Variants in TRAPPC12 observed in about 807,000 individuals in gnomAD.
The protein encoded by TRAPPC12 is TPR repeat protein 15.
A neutral mutation model predicts 69.2 loss-of-function variants in TRAPPC12; 61 were observed. That is an observed-to-expected ratio of 0.88 (90% CI 0.72 to 1.09). The LOEUF is 1.09. Among genes scored for constraint, TRAPPC12 ranks in the 50% least tolerant of loss-of-function variants. TRAPPC12 has a pLI of 0.00. For synonymous variants in TRAPPC12, 469 were observed against 438.9 expected, an observed-to-expected ratio of 1.07 and a Z score of -0.86; for missense variants, 1,101 against 1,016.4, an observed-to-expected ratio of 1.08 and a Z score of -1.13.
chr2:3,383,702 G>A (rs975823835), intron 1 of TRAPPC12, among the ~76,000 whole-genome samples: 3 of 151,890 alleles, frequency 2.0e-5, no homozygotes, highest in Non-Finnish European at 4.4e-5. Context: ...ACCGCACCCG[G>A]CCTTCACAGT....
At chr2:3,466,276 C>T (rs1231787245) in intron 9 of TRAPPC12, 1 of 471,232 alleles carries the variant, frequency 2.1e-6, no homozygotes, top group South Asian at 1.5e-5. Flanking sequence ...GCAGCTTCTG[C>T]CCCTCTCACC....
intron 2 of TRAPPC12, 26 bp downstream of exon 2, chr2:3,388,696 A>AGCCCGTGCCTCCTCTCT: frequency 6.6e-7 from 1 of 1,506,914 alleles, no homozygotes; most frequent in Non-Finnish European, 8.9e-7. Context: ...CCACCTCCGC[A>AGCCCGTGCCTCCTCTCT]GCCCGTGCCT....
chr2:3,458,188 G>A, intron 7 of TRAPPC12: 1 of 999,550 alleles, frequency 1.0e-6, no homozygotes. Context: ...AACCCCTTGG[G>A]GGACTGGGTG....
intron 5 of TRAPPC12, among the ~76,000 whole-genome samples, chr2:3,426,408 G>T (rs1257950509): frequency 6.6e-6 from 1 of 152,232 alleles, no homozygotes; most frequent in African/African-American, 2.4e-5. Flanking sequence ...TCCTTAATGT[G>T]TGACACTTCC....
intron 3 of TRAPPC12, among the ~76,000 whole-genome samples, chr2:3,407,941 G>A (rs1661819927): frequency 6.6e-6 from 1 of 152,150 alleles, no homozygotes; most frequent in African/African-American, 2.4e-5. Flanking sequence ...GCGATCATAA[G>A]AACTGGCTCT....
intron 11 of TRAPPC12, 99 bp from the exon 12 acceptor site, chr2:3,479,120 C>T (rs1020164914): frequency 1.3e-6 from 2 of 1,552,880 alleles, no homozygotes; most frequent in Non-Finnish European, 1.7e-6. Flanking sequence ...CAGCTCTGCA[C>T]CACCCCCAGG....
chr2:3,389,675 G>C (rs769547600), intron 2 of TRAPPC12: 52 of 471,174 alleles, frequency 1.1e-4, no homozygotes, highest in Middle Eastern at 9.8e-4. Context: ...GGGGGTGGGG[G>C]ATGGAGGGTT....
intron 3 of TRAPPC12, among the ~76,000 whole-genome samples, chr2:3,420,346 C>T (rs1011390964): frequency 1.0e-4 from 15 of 149,510 alleles, no homozygotes; most frequent in African/African-American, 3.7e-4. Flanking sequence ...TTTCCTTACA[C>T]ATAGAGTTTC....
At chr2:3,462,759 C>T in intron 8 of TRAPPC12, 1 of 373,392 alleles carries the variant, frequency 2.7e-6, no homozygotes, top group Non-Finnish European at 5.5e-6. Flanking sequence ...CCTGCACTGG[C>T]AGACCATATG....
rs189322496 is a variant in TRAPPC12, at chr2:3,380,992, C to G, written c.-5+1116C>G. ...CAGAGCTCTTTCTGCCCACCCCTGC[C>G]TGGCAACCTTGCAAGAGGAGCTGAG... On this transcript the variant is annotated intron_variant, in intron 1 of 11. Transcript: ENST00000324266. Among the ~76,000 whole-genome samples, 243 of 152,290 alleles carry G rather than the reference C, an allele frequency of 1.6e-3. 2 individuals carry two copies. The highest frequency in any genetic ancestry group is 5.4e-3 in the African/African-American group (224 of 41,558).
At chr2:3,395,867 T>G (rs1423490789) in intron 2 of TRAPPC12, among the ~76,000 whole-genome samples, 2 of 152,126 alleles carry the variant, frequency 1.3e-5, no homozygotes, top group African/African-American at 4.8e-5. Context: ...GTAGCTGGGA[T>G]TATAGGCATG....
Position 3,443,760 on chromosome 2 carries a change from A to G in TRAPPC12, c.1418-19A>G, listed in dbSNP as rs1321245543. On this transcript the variant is annotated intron_variant, in intron 5 of 11. Transcript: ENST00000324266. ...TCAGTTATGGCAAACAAACTCACTC[A>G]GCACTGATTGGATTCCAGGCTCCAT... The G allele has an allele frequency of 6.2e-7, 1 of 1,608,582 alleles. No homozygotes were observed. The highest frequency in any genetic ancestry group is 8.5e-7 in the Non-Finnish European group (1 of 1,175,224).
At chr2:3,399,432 A>C (rs1470523845) in intron 2 of TRAPPC12, among the ~76,000 whole-genome samples, 1 of 152,116 alleles carries the variant, frequency 6.6e-6, no homozygotes, top group Non-Finnish European at 1.5e-5. Flanking sequence ...CAGTTAGCTG[A>C]TTTTGTGGAT....
At chr2:3,452,471 C>T (rs1383040326) in intron 6 of TRAPPC12, among the ~76,000 whole-genome samples, 1 of 152,144 alleles carries the variant, frequency 6.6e-6, no homozygotes, top group East Asian at 1.9e-4. Context: ...ACACTGTGGC[C>T]GGTCAGCTGG....
chr2:3,380,221 G>A (rs1258265821), intron 1 of TRAPPC12, among the ~76,000 whole-genome samples: 3 of 151,888 alleles, frequency 2.0e-5, no homozygotes, highest in African/African-American at 4.8e-5. Context: ...CCCAGTTCCA[G>A]GCTTGGTGCC....
intron 5 of TRAPPC12, among the ~76,000 whole-genome samples, chr2:3,435,997 A>G (rs1663752624): frequency 6.6e-6 from 1 of 152,210 alleles, no homozygotes; most frequent in Non-Finnish European, 1.5e-5. Flanking sequence ...TTAATTTCAC[A>G]TCAGTAAGGT....
chr2:3,413,837 C>G (rs1208566553), intron 3 of TRAPPC12, among the ~76,000 whole-genome samples: 1 of 152,148 alleles, frequency 6.6e-6, no homozygotes. Context: ...TGTCAGTATG[C>G]GTAATCATCT....
At chr2:3,478,077 A>G (rs1203440877) in intron 10 of TRAPPC12, 1 of 263,378 alleles carries the variant, frequency 3.8e-6, no homozygotes, top group Non-Finnish European at 7.1e-6. Context: ...TGTAAAGGTC[A>G]CCATTGCTGG....
At chr2:3,417,395 G>A (rs1436598361) in intron 3 of TRAPPC12, among the ~76,000 whole-genome samples, 3 of 151,516 alleles carry the variant, frequency 2.0e-5, no homozygotes, top group African/African-American at 7.3e-5. Context: ...CTGACCACGT[G>A]CAGTCTTTAG....
Sources: allele counts gnomAD v4.1 joint callset (sites outside exome capture counted in the v4.1 genomes callset), GRCh38; gene constraint gnomAD v4.1.1; transcripts MANE v1.5; gene names NCBI Gene and HGNC (gene_info 2026-07-23, HGNC 2026-07-21).